Variants in TEAD1 observed in about 807,000 individuals in gnomAD.
The protein encoded by TEAD1 is transcriptional enhancer factor TEF-1.
Under a neutral mutation model 54.9 loss-of-function variants are expected in TEAD1, and 9 were observed. That is an observed-to-expected ratio of 0.16 (90% CI 0.10 to 0.29). The LOEUF is 0.29. TEAD1 is among the 10% of genes least tolerant of loss of function. The pLI is 1.00. For missense variants in TEAD1, 387 were observed against 535.9 expected (o/e 0.72, Z 2.74); for synonymous variants, 200 against 187.8 (o/e 1.07, Z -0.53).
At chr11:12,873,314 G>A (rs908400610) in intron 5 of TEAD1, among the ~76,000 whole-genome samples, 1 of 152,176 alleles carries the variant, frequency 6.6e-6, no homozygotes, top group African/African-American at 2.4e-5. Context: ...GATCCGGCAG[G>A]AAGCTGTCCT....
At chr11:12,834,554 G>A (rs539447333) in intron 3 of TEAD1, among the ~76,000 whole-genome samples, 5 of 152,162 alleles carry the variant, frequency 3.3e-5, no homozygotes, top group South Asian at 2.1e-4. Flanking sequence ...GTTGCACAAC[G>A]CCTGGTGGTA....
chr11:12,737,328 C>A (rs1013603230), intron 2 of TEAD1, among the ~76,000 whole-genome samples: 138 of 131,728 alleles, frequency 1.0e-3, no homozygotes, highest in Middle Eastern at 3.9e-3. Flanking sequence ...AAAGACTAAG[C>A]AAAAAAAAAA....
At chr11:12,729,957 A>C (rs1944386398) in intron 2 of TEAD1, among the ~76,000 whole-genome samples, 1 of 152,202 alleles carries the variant, frequency 6.6e-6, no homozygotes, top group African/African-American at 2.4e-5. Context: ...AGCATATTAA[A>C]GGCTTTGCAA....
Position 12,881,902 on chromosome 11 carries a change from G to A in TEAD1, c.519G>A (p.Lys173=). ...GCCATCTCTCTGTTCCCAGCGTCAA[G>A]CCTTTTGTGCAGCAGGCCTACCCCA... Residue 173 remains lysine, a synonymous_variant, in exon 8 of 13, where the codon AAG becomes AAA. Coordinates refer to ENST00000527636, the MANE Select transcript of TEAD1 (RefSeq NM_021961.6). 3.1e-6 allele frequency: 5 copies of A among 1,614,196 alleles called. No homozygotes were observed. Among genetic ancestry groups the A allele is most frequent in the Non-Finnish European group, 4.2e-6 (5 of 1,180,020 alleles).
chr11:12,777,240 T>TC (rs1046841164), intron 3 of TEAD1, among the ~76,000 whole-genome samples: 1 of 152,018 alleles, frequency 6.6e-6, no homozygotes, highest in Admixed American at 6.6e-5. Flanking sequence ...TGCATTGTAG[T>TC]CCCCCCGCCT....
chr11:12,872,428 G>T (rs1223785385), intron 5 of TEAD1, among the ~76,000 whole-genome samples: 1 of 152,140 alleles, frequency 6.6e-6, no homozygotes, highest in Non-Finnish European at 1.5e-5. Flanking sequence ...CAATCTTCAG[G>T]GGGAGTTCTT....
intron 10 of TEAD1, among the ~76,000 whole-genome samples, chr11:12,923,391 C>G (rs937238098): frequency 7.2e-5 from 11 of 152,160 alleles, no homozygotes; most frequent in Admixed American, 7.2e-4. Flanking sequence ...TGGGGGCCCA[C>G]TCCTCACCGT....
intron 3 of TEAD1, among the ~76,000 whole-genome samples, chr11:12,833,898 C>T (rs745987999): frequency 6.6e-6 from 1 of 152,166 alleles, no homozygotes; most frequent in Non-Finnish European, 1.5e-5. Context: ...TGTGTTTACT[C>T]ATTTGGTTGC....
intron 5 of TEAD1, chr11:12,865,316 C>G (rs1947595113): frequency 5.9e-6 from 1 of 169,820 alleles, no homozygotes; most frequent in Non-Finnish European, 1.3e-5. Flanking sequence ...GAATCATTTC[C>G]AAAGTGGTCA....
At chr11:12,688,725 T>C (rs1943387739) in intron 2 of TEAD1, among the ~76,000 whole-genome samples, 1 of 152,222 alleles carries the variant, frequency 6.6e-6, no homozygotes, top group Non-Finnish European at 1.5e-5. Flanking sequence ...TTTCCTCCTC[T>C]GCAAAATGGA....
chr11:12,838,182 C>T (rs76208164), intron 3 of TEAD1, among the ~76,000 whole-genome samples: 3,461 of 152,240 alleles, frequency 0.023, 145 homozygotes, highest in African/African-American at 0.077. Flanking sequence ...GTTCTGGGTT[C>T]TGTGTTAATA....
intron 11 of TEAD1, among the ~76,000 whole-genome samples, chr11:12,928,887 A>ACT (rs1948954679): frequency 6.6e-6 from 1 of 152,162 alleles, no homozygotes. Flanking sequence ...ACACTTAAAT[A>ACT]TTCTCTTAGC....
intron 3 of TEAD1, among the ~76,000 whole-genome samples, chr11:12,839,842 A>C (rs1946986803): frequency 6.6e-6 from 1 of 152,170 alleles, no homozygotes; most frequent in Non-Finnish European, 1.5e-5. Flanking sequence ...CATTGAAGGT[A>C]ATGTGGTAAG....
intron 10 of TEAD1, among the ~76,000 whole-genome samples, chr11:12,917,533 T>G (rs915721089): frequency 3.3e-5 from 5 of 152,212 alleles, no homozygotes; most frequent in African/African-American, 1.2e-4. Flanking sequence ...TTATTATTAT[T>G]TATAAATAGA....
rs1949188732 is a variant in TEAD1, at chr11:12,944,362, T to C, written c.*7140T>C. The C allele has an allele frequency of 6.6e-6, 1 of 152,644 alleles. No individual in the cohort carries two copies. The allele number at this position is 152,644 out of a possible 1,614,324, so 9.5% of individuals were successfully genotyped here. On this transcript the variant is annotated 3_prime_UTR_variant, in exon 13 of 13. Transcript: ENST00000527636. Reference sequence around the variant, plus strand: ...TTTGTTAACGTCTGTGTTTAGGTACTGGTACCTTTTTGTTTTAAAATGTTC... The same window carrying C: ...TTTGTTAACGTCTGTGTTTAGGTACCGGTACCTTTTTGTTTTAAAATGTTC...
chr11:12,837,801 T>TCTTTCTTC (rs1564958387), intron 3 of TEAD1, among the ~76,000 whole-genome samples: 13 of 144,100 alleles, frequency 9.0e-5, no homozygotes, highest in Non-Finnish European at 1.4e-4. Flanking sequence ...CTTTCTTCCT[T>TCTTTCTTC]CTTCTTTTTT....
chr11:12,768,161 AG>A (rs1260847538), intron 3 of TEAD1, among the ~76,000 whole-genome samples: 1 of 152,212 alleles, frequency 6.6e-6, no homozygotes. Flanking sequence ...AACACTTAAC[AG>A]TCTGGACTCT....
intron 2 of TEAD1, among the ~76,000 whole-genome samples, chr11:12,752,565 G>C (rs958807099): frequency 2.0e-5 from 3 of 151,958 alleles, no homozygotes; most frequent in Non-Finnish European, 2.9e-5. Context: ...TCAATATTGC[G>C]TTGGTACAAT....
At chr11:12,777,758 T>A (rs1291128426) in intron 3 of TEAD1, among the ~76,000 whole-genome samples, 4 of 152,232 alleles carry the variant, frequency 2.6e-5, no homozygotes, top group African/African-American at 9.6e-5. Context: ...TGATCCTGAT[T>A]ATGAAAGATG....
Sources: gnomAD v4.1 joint callset for allele counts (sites outside exome capture counted in the v4.1 genomes callset) on GRCh38, gnomAD v4.1.1 for gene constraint, MANE v1.5 for transcripts, NCBI Gene and HGNC (gene_info 2026-07-23, HGNC 2026-07-21) for gene names.